The following EFCAB5 variants were observed in gnomAD, a reference collection of about 807,000 sequenced individuals.
EFCAB5 encodes EF-hand calcium-binding domain-containing protein 5.
In EFCAB5, 131 loss-of-function variants were observed where a neutral mutation model predicts 167.9. The observed-to-expected ratio is 0.78, with a 90% CI of 0.68 to 0.90. The LOEUF (loss-of-function observed/expected upper bound fraction) is 0.90, where lower values mean the gene tolerates loss of function less well. EFCAB5 is among the 40% of genes least tolerant of loss of function. EFCAB5 has a pLI of 0.00. For synonymous variants in EFCAB5, 574 were observed against 602.8 expected, an observed-to-expected ratio of 0.95 and a Z score of 0.70; for missense variants, 1,663 against 1,745.2, an observed-to-expected ratio of 0.95 and a Z score of 0.84.
chr17:29,979,847 A>G (rs2068136430), intron 4 of EFCAB5, among the ~76,000 whole-genome samples: 1 of 152,210 alleles, frequency 6.6e-6, no homozygotes, highest in Admixed American at 6.5e-5. Context: ...GCTGGGGCTC[A>G]ATAAATGTTA....
intron 8 of EFCAB5, among the ~76,000 whole-genome samples, chr17:30,037,554 A>ATAC (rs2069660355): frequency 6.6e-6 from 1 of 152,190 alleles, no homozygotes; most frequent in Non-Finnish European, 1.5e-5. Flanking sequence ...GAATCACTAT[A>ATAC]TACTCAATAG....
At chr17:29,939,567 T>C (rs1321972969), upstream of EFCAB5, among the ~76,000 whole-genome samples, 2 of 152,256 alleles carry the variant, frequency 1.3e-5, no homozygotes, top group African/African-American at 4.8e-5. Flanking sequence ...CCACCTTCAT[T>C]GACGATCTTA....
At chr17:29,935,710 G>GA (rs35613362) in intron 1 of EFCAB5, among the ~76,000 whole-genome samples, 96,624 of 146,068 alleles carry the variant, frequency 0.66, 33,791 homozygotes, top group Middle Eastern at 0.82. Flanking sequence ...TTAAGGGCTA[G>GA]AAAAAAAAAA....
chr17:30,029,645 A>G (rs2151728745), intron 7 of EFCAB5, among the ~76,000 whole-genome samples: 1 of 152,092 alleles, frequency 6.6e-6, no homozygotes, highest in Admixed American at 6.5e-5. Context: ...CCATTTCTTC[A>G]GTGATAGATA....
At chr17:29,978,537 C>T (rs1385730695) in intron 4 of EFCAB5, among the ~76,000 whole-genome samples, 1 of 152,180 alleles carries the variant, frequency 6.6e-6, no homozygotes, top group Non-Finnish European at 1.5e-5. Context: ...CCCTGGATGA[C>T]ATCCTTGTAT....
At chr17:29,995,307 C>T (rs2068521263) in intron 5 of EFCAB5, among the ~76,000 whole-genome samples, 1 of 152,226 alleles carries the variant, frequency 6.6e-6, no homozygotes, top group African/African-American at 2.4e-5. Context: ...TTATAGTAAA[C>T]AGATGTTATT....
intron 4 of EFCAB5, 99 bp from the exon 5 acceptor site, chr17:29,993,065 CA>C: frequency 8.2e-7 from 1 of 1,220,762 alleles, no homozygotes; most frequent in Non-Finnish European, 1.1e-6. Context: ...GGAGAAAAGA[CA>C]GGCAAACATT....
At chr17:29,944,622 G>GTTTTTTTTTTTTTTTTTTTTTTTT (rs1442294530) in intron 3 of EFCAB5, among the ~76,000 whole-genome samples, 1 of 134,144 alleles carries the variant, frequency 7.5e-6, no homozygotes, top group African/African-American at 2.7e-5. Flanking sequence ...TTTCTGTTTT[G>GTTTTTTTTTTTTTTTTTTTTTTTT]TTTTGTTTTT....
intron 3 of EFCAB5, among the ~76,000 whole-genome samples, chr17:29,952,477 T>C (rs1033509602): frequency 6.6e-6 from 1 of 152,150 alleles, no homozygotes; most frequent in African/African-American, 2.4e-5. Flanking sequence ...GTCTTTATAG[T>C]AAAAAAAGAA....
intron 8 of EFCAB5, among the ~76,000 whole-genome samples, chr17:30,036,317 CACATATATAATATATAATTATATAT>C: frequency 9.1e-6 from 1 of 109,456 alleles, no homozygotes; most frequent in Non-Finnish European, 1.7e-5. Flanking sequence ...ATATATAATA[CACATATATAATATATAATTATATAT>C]AATACACATA....
intron 14 of EFCAB5, among the ~76,000 whole-genome samples, chr17:30,072,261 C>T (rs957974929): frequency 6.6e-6 from 1 of 152,072 alleles, no homozygotes; most frequent in African/African-American, 2.4e-5. Flanking sequence ...CTCTGTACCC[C>T]ATAAATATGG....
intron 4 of EFCAB5, among the ~76,000 whole-genome samples, chr17:29,980,181 A>G (rs1265508141): frequency 6.6e-6 from 1 of 152,164 alleles, no homozygotes; most frequent in Non-Finnish European, 1.5e-5. Flanking sequence ...AAAACAAACA[A>G]ACAAAACTTA....
At chr17:30,103,055 A>T (rs1352892233) in intron 22 of EFCAB5, among the ~76,000 whole-genome samples, 2 of 151,488 alleles carry the variant, frequency 1.3e-5, no homozygotes, top group Non-Finnish European at 1.5e-5. Flanking sequence ...CTGGTTTTGA[A>T]CTCCAGGACT....
At chr17:29,939,652 G>A (rs1002697113), upstream of EFCAB5, among the ~76,000 whole-genome samples, 1 of 152,210 alleles carries the variant, frequency 6.6e-6, no homozygotes, top group Non-Finnish European at 1.5e-5. Flanking sequence ...TTAAGTTATG[G>A]AGATGTCTTC....
intron 14 of EFCAB5, chr17:30,065,540 A>C (rs962188540): frequency 3.3e-5 from 5 of 152,208 alleles, no homozygotes; most frequent in African/African-American, 1.2e-4. Context: ...ATGCGCCTGT[A>C]GTCCCAGCTA....
intron 4 of EFCAB5, among the ~76,000 whole-genome samples, chr17:29,978,958 A>T (rs2068115762): frequency 6.6e-6 from 1 of 151,436 alleles, no homozygotes; most frequent in Admixed American, 6.6e-5. Flanking sequence ...GGCAGGGGGG[A>T]TGGGGGGAGT....
intron 14 of EFCAB5, chr17:30,073,272 G>T: frequency 1.7e-6 from 1 of 586,714 alleles, no homozygotes; most frequent in South Asian, 2.1e-5. Context: ...GCCCATGCTG[G>T]TCACAAACTC....
chr17:30,052,280 C>G (rs1230257165), intron 9 of EFCAB5, among the ~76,000 whole-genome samples: 1 of 152,186 alleles, frequency 6.6e-6, no homozygotes, highest in African/African-American at 2.4e-5. Context: ...TTCCCCCTGC[C>G]TCATCCTCCC....
At chr17:30,061,984 A>G in intron 14 of EFCAB5, among the ~76,000 whole-genome samples, 1 of 152,192 alleles carries the variant, frequency 6.6e-6, no homozygotes, top group South Asian at 2.1e-4. Context: ...GGAATAAGCC[A>G]TTTTTTCCCC....
Sources: allele counts gnomAD v4.1 joint callset (sites outside exome capture counted in the v4.1 genomes callset), GRCh38; gene constraint gnomAD v4.1.1; transcripts MANE v1.5; gene names NCBI Gene and HGNC (gene_info 2026-07-23, HGNC 2026-07-21).